Variants in CDH22 observed in about 807,000 individuals in gnomAD.
The protein encoded by CDH22 is cadherin-22.
CDH22 carries 30 observed loss-of-function variants against 58.4 expected under a neutral mutation model. The ratio of observed to expected loss-of-function variants is 0.51; its 90% CI spans 0.38 to 0.70. The LOEUF (loss-of-function observed/expected upper bound fraction) is 0.70, where lower values mean the gene tolerates loss of function less well. Ranked by LOEUF, CDH22 falls within the 30% of genes least tolerant of loss-of-function variation. The pLI is 0.00. For synonymous variants in CDH22, 513 were observed against 558.2 expected (o/e 0.92, Z 1.14); for missense variants, 1,014 against 1,233.9 (o/e 0.82, Z 2.67).
At chr20:46,185,329 G>A (rs2085817879) in intron 10 of CDH22, among the ~76,000 whole-genome samples, 1 of 152,136 alleles carries the variant, frequency 6.6e-6, no homozygotes, top group South Asian at 2.1e-4. Flanking sequence ...ACTTGTGAGA[G>A]CCAGAGGGGA....
intron 4 of CDH22, among the ~76,000 whole-genome samples, chr20:46,221,309 A>T (rs1277306254): frequency 1.5e-5 from 2 of 134,846 alleles, no homozygotes; most frequent in Non-Finnish European, 3.1e-5. Flanking sequence ...ATAGCTCTAG[A>T]TGACTGATAG....
intron 8 of CDH22, among the ~76,000 whole-genome samples, chr20:46,194,781 G>T (rs2085887048): frequency 6.6e-6 from 1 of 152,158 alleles, no homozygotes; most frequent in Non-Finnish European, 1.5e-5. Flanking sequence ...CCAGGCTGGA[G>T]TGCAGTGGTG....
At chr20:46,291,720 C>T (rs149881260) in intron 1 of CDH22, among the ~76,000 whole-genome samples, 2 of 152,386 alleles carry the variant, frequency 1.3e-5, no homozygotes, top group Non-Finnish European at 2.9e-5. Context: ...CACTTCTGCT[C>T]CTCTGCGTTG....
intron 10 of CDH22, 49 bp from the exon 11 acceptor site, chr20:46,178,246 A>C: frequency 6.3e-7 from 1 of 1,582,876 alleles, no homozygotes; most frequent in Non-Finnish European, 8.6e-7. Flanking sequence ...GGGGGTCAGC[A>C]TCCTTGTCCT....
chr20:46,231,112 T>TG (rs2086218024), intron 3 of CDH22, among the ~76,000 whole-genome samples: 1 of 152,184 alleles, frequency 6.6e-6, no homozygotes, highest in South Asian at 2.1e-4. Context: ...GAAGTAGAGC[T>TG]GGGACTGGTT....
chr20:46,296,828 T>A (rs2086631098), intron 1 of CDH22, among the ~76,000 whole-genome samples: 1 of 152,248 alleles, frequency 6.6e-6, no homozygotes, highest in South Asian at 2.1e-4. Context: ...TTCTCTAATT[T>A]GTGATTGTTT....
intron 4 of CDH22, chr20:46,220,936 C>A (rs1042895882): frequency 1.3e-5 from 2 of 152,958 alleles, no homozygotes; most frequent in Non-Finnish European, 2.9e-5. Context: ...GTCATTCCCT[C>A]CCACACTGAC....
At chr20:46,219,157 C>A (rs1168850389) in intron 4 of CDH22, among the ~76,000 whole-genome samples, 1 of 152,152 alleles carries the variant, frequency 6.6e-6, no homozygotes, top group Middle Eastern at 3.2e-3. Flanking sequence ...CGTGGGATCA[C>A]ATGCAGATAT....
intron 4 of CDH22, chr20:46,219,998 A>G (rs2086112384): frequency 6.5e-6 from 1 of 152,712 alleles, no homozygotes; most frequent in Admixed American, 6.5e-5. Flanking sequence ...GGGGAGGAAG[A>G]GAGCGAAGGT....
intron 3 of CDH22, among the ~76,000 whole-genome samples, chr20:46,233,869 T>C (rs1382775633): frequency 1.3e-5 from 2 of 152,216 alleles, no homozygotes; most frequent in East Asian, 3.9e-4. Context: ...CACGTATAGA[T>C]CTTCCTGGAC....
At chr20:46,213,398 C>T (rs1171970086) in intron 5 of CDH22, among the ~76,000 whole-genome samples, 1 of 152,156 alleles carries the variant, frequency 6.6e-6, no homozygotes, top group Non-Finnish European at 1.5e-5. Context: ...TAAATTCTGA[C>T]CTTTGGGTTT....
intron 10 of CDH22, among the ~76,000 whole-genome samples, chr20:46,181,058 A>G (rs2085780692): frequency 6.6e-6 from 1 of 151,678 alleles, no homozygotes; most frequent in South Asian, 2.1e-4. Flanking sequence ...TTACAGGCAT[A>G]AGCCACCATG....
Position 46,241,153 on chromosome 20 carries a change from A to G in CDH22, c.360T>C (p.His120=), listed in dbSNP as rs2086287456. 6.2e-7 allele frequency: 1 copy of G among 1,614,156 alleles called. No individual in the cohort carries two copies. The highest frequency in any genetic ancestry group is 8.5e-7 in the Non-Finnish European group (1 of 1,180,012). Residue 120 remains histidine, a synonymous_variant, in exon 3 of 12, where the codon CAT becomes CAC. Transcript: ENST00000537909. The surrounding 1 kb of genome is among the most constrained non-coding windows in gnomAD (Gnocchi z 5.2). Reference sequence around the variant, plus strand: ...GCTCGCGGTCCAGGCGCTCCATGGCATGAATGTCGCCTGTCAGCTCGTCGA... The same window carrying G: ...GCTCGCGGTCCAGGCGCTCCATGGCGTGAATGTCGCCTGTCAGCTCGTCGA... ...FLIDELTGDI[H]AMERLDREQK... is the part of the protein sequence containing the mutation.
intron 8 of CDH22, among the ~76,000 whole-genome samples, chr20:46,189,107 TG>T (rs1005147640): frequency 1.5e-4 from 23 of 151,950 alleles, no homozygotes; most frequent in Non-Finnish European, 3.1e-4. Flanking sequence ...AGCCACCTCC[TG>T]GGGGGGCGGG....
intron 11 of CDH22, among the ~76,000 whole-genome samples, chr20:46,176,945 CTTTG>C (rs1224213124): frequency 2.0e-5 from 3 of 152,206 alleles, no homozygotes; most frequent in Non-Finnish European, 2.9e-5. Context: ...TTAGGCAGAA[CTTTG>C]TTTGCACTGC....
intron 8 of CDH22, among the ~76,000 whole-genome samples, chr20:46,190,574 TTTAA>T (rs2085856335): frequency 6.6e-6 from 1 of 152,352 alleles, no homozygotes; most frequent in African/African-American, 2.4e-5. Flanking sequence ...TGCAAATTAG[TTTAA>T]TTATTTCTTC....
intron 1 of CDH22, among the ~76,000 whole-genome samples, chr20:46,295,993 C>T (rs1027006504): frequency 1.3e-5 from 2 of 152,130 alleles, no homozygotes; most frequent in Admixed American, 6.5e-5. Flanking sequence ...AAACTCCTGG[C>T]CTCAAGTGAT....
At chr20:46,176,710 G>C (rs745620840) in intron 11 of CDH22, among the ~76,000 whole-genome samples, 1 of 152,256 alleles carries the variant, frequency 6.6e-6, no homozygotes, top group Non-Finnish European at 1.5e-5. Context: ...ACGAGAGCTG[G>C]GGACAGGCCC....
At chr20:46,277,345 A>G (rs1471298196) in intron 1 of CDH22, among the ~76,000 whole-genome samples, 1 of 152,182 alleles carries the variant, frequency 6.6e-6, no homozygotes. Context: ...GCAGCGGGCC[A>G]GGTTGGGAGG....
Sources: gnomAD v4.1 joint callset for allele counts (sites outside exome capture counted in the v4.1 genomes callset) on GRCh38, gnomAD v4.1.1 for gene constraint, Gnocchi (gnomAD v3.1) non-coding constraint, MANE v1.5 for transcripts, NCBI Gene and HGNC (gene_info 2026-07-23, HGNC 2026-07-21) for gene names.